GALNTL6: variants seen among roughly 807,000 people sequenced by gnomAD.
The protein encoded by GALNTL6 is polypeptide N-acetylgalactosaminyltransferase like 6, also known as polypeptide N-acetylgalactosaminyltransferase-like 6.
A neutral mutation model predicts 73.7 loss-of-function variants in GALNTL6; 46 were observed. That is an observed-to-expected ratio of 0.62 (90% CI 0.49 to 0.80). The LOEUF is 0.80. Among genes scored for constraint, GALNTL6 ranks in the 30% least tolerant of loss-of-function variants. The pLI is 0.00. For synonymous variants in GALNTL6, 259 were observed against 263.7 expected, an observed-to-expected ratio of 0.98 and a Z score of 0.17; for missense variants, 604 against 755.0, an observed-to-expected ratio of 0.80 and a Z score of 2.34.
At chr4:172,431,778 T>C (rs1384707653) in intron 5 of GALNTL6, among the ~76,000 whole-genome samples, 1 of 152,162 alleles carries the variant, frequency 6.6e-6, no homozygotes, top group Non-Finnish European at 1.5e-5. Flanking sequence ...AAGTCAGTAT[T>C]TTTACTGACT....
chr4:171,946,810 T>A (rs1738715367), intron 2 of GALNTL6, among the ~76,000 whole-genome samples: 1 of 151,470 alleles, frequency 6.6e-6, no homozygotes, highest in Non-Finnish European at 1.5e-5. Context: ...TTTGGCATGT[T>A]AGAGGGACAG....
At chr4:171,970,110 A>C (rs937507496) in intron 2 of GALNTL6, among the ~76,000 whole-genome samples, 1 of 152,184 alleles carries the variant, frequency 6.6e-6, no homozygotes, top group Non-Finnish European at 1.5e-5. Flanking sequence ...TATGGATTCA[A>C]CTTGACTTTG....
chr4:172,266,550 A>G (rs1738458981), intron 3 of GALNTL6, among the ~76,000 whole-genome samples: 1 of 152,168 alleles, frequency 6.6e-6, no homozygotes, highest in South Asian at 2.1e-4. Flanking sequence ...AAATAACTAT[A>G]AAACATTGTA....
At chr4:172,659,060 A>G (rs1731234281) in intron 5 of GALNTL6, among the ~76,000 whole-genome samples, 1 of 152,196 alleles carries the variant, frequency 6.6e-6, no homozygotes, top group African/African-American at 2.4e-5. Context: ...CGATCATTTA[A>G]TCCTATCTCA....
intron 5 of GALNTL6, among the ~76,000 whole-genome samples, chr4:172,584,022 A>T (rs191646333): frequency 6.6e-6 from 1 of 152,200 alleles, no homozygotes; most frequent in East Asian, 1.9e-4. Context: ...TTTAAAGAAC[A>T]TTTTTTGAAG....
chr4:171,875,652 C>T (rs1310478357), intron 2 of GALNTL6, among the ~76,000 whole-genome samples: 1 of 151,904 alleles, frequency 6.6e-6, no homozygotes, highest in African/African-American at 2.4e-5. Flanking sequence ...TTCTTCTCAG[C>T]ATGTAGCTAG....
chr4:172,509,508 C>T lies in GALNTL6; in HGVS notation c.553+160819C>T, dbSNP rs1338980577. Among the ~76,000 whole-genome samples, 3 of 54,714 alleles carry T rather than the reference C, an allele frequency of 5.5e-5. 1 individual carries two copies. The highest frequency in any genetic ancestry group is 2.6e-4 in the Admixed American group (1 of 3,828). The allele number at this position is 54,714 out of a possible 152,430, so 35.9% of individuals were successfully genotyped here. On this transcript the variant is annotated intron_variant, in intron 5 of 12. Coordinates refer to ENST00000506823, the MANE Select transcript of GALNTL6 (RefSeq NM_001034845.3). ...TTGCATTTGCTTGTGGGTTCTTGGCCATGAAGTCTTTGCCTAAGCCAATGT... is the reference window on the plus strand; with the variant it reads ...TTGCATTTGCTTGTGGGTTCTTGGCTATGAAGTCTTTGCCTAAGCCAATGT...
chr4:172,839,934 A>G (rs1252766745), intron 7 of GALNTL6, among the ~76,000 whole-genome samples: 1 of 152,238 alleles, frequency 6.6e-6, no homozygotes, highest in Non-Finnish European at 1.5e-5. Flanking sequence ...CAAAACAAAT[A>G]CATAATGTTG....
chr4:171,946,089 A>G (rs1264734916), intron 2 of GALNTL6, among the ~76,000 whole-genome samples: 10 of 152,190 alleles, frequency 6.6e-5, no homozygotes, highest in Non-Finnish European at 1.5e-4. Flanking sequence ...CTTAACAGAT[A>G]GAATTAGCAA....
chr4:172,294,403 C>T (rs989976881), intron 3 of GALNTL6, among the ~76,000 whole-genome samples: 10 of 152,046 alleles, frequency 6.6e-5, no homozygotes, highest in African/African-American at 9.7e-5. Context: ...TGACAGTTTG[C>T]GATTTTTACT....
intron 3 of GALNTL6, among the ~76,000 whole-genome samples, chr4:172,310,791 C>T (rs531940887): frequency 6.9e-4 from 103 of 150,122 alleles, no homozygotes; most frequent in African/African-American, 2.0e-3. Flanking sequence ...AAATATAAAA[C>T]GAGAAATTAT....
chr4:172,420,372 A>T (rs1476737548), intron 5 of GALNTL6, among the ~76,000 whole-genome samples: 1 of 152,216 alleles, frequency 6.6e-6, no homozygotes, highest in Non-Finnish European at 1.5e-5. Context: ...TAACTCCCAG[A>T]TGTTATTTGT....
chr4:171,869,200 G>A (rs1358626843), intron 2 of GALNTL6, among the ~76,000 whole-genome samples: 1 of 152,034 alleles, frequency 6.6e-6, no homozygotes, highest in Non-Finnish European at 1.5e-5. Context: ...CCTATCACAG[G>A]GCCAGGCTCT....
chr4:172,579,144 C>A (rs772506376), intron 5 of GALNTL6, among the ~76,000 whole-genome samples: 3 of 152,106 alleles, frequency 2.0e-5, no homozygotes, highest in Admixed American at 1.3e-4. Flanking sequence ...TACTATGCAG[C>A]GAAGACAGAA....
At chr4:173,001,423 A>AAAC (rs368512578) in intron 10 of GALNTL6, among the ~76,000 whole-genome samples, 1,954 of 152,314 alleles carry the variant, frequency 0.013, 50 homozygotes, top group African/African-American at 0.044. Flanking sequence ...ACTCAGAATA[A>AAAC]AACATAGGGG....
At position 172,880,115 on chromosome 4, in the gene GALNTL6, A is replaced by G. The variant is rs528588734; in HGVS notation, c.924-2675A>G. ...GTTTGGCAGTTTATTGAAAGATTAG[A>G]CATACCTACTATATGATCTAGTTAT... On this transcript the variant is annotated intron_variant, in intron 7 of 12. Coordinates refer to ENST00000506823, the MANE Select transcript of GALNTL6 (RefSeq NM_001034845.3). Among the ~76,000 whole-genome samples the G allele has an allele frequency of 2.7e-4, 41 of 152,172 alleles. 1 individual carries two copies. In the South Asian group the frequency reaches 8.1e-3, roughly 30 times the overall value.
chr4:172,954,710 A>G (rs13121679), intron 10 of GALNTL6, among the ~76,000 whole-genome samples: 92,087 of 151,946 alleles, frequency 0.61, 28,459 homozygotes, highest in African/African-American at 0.73. Flanking sequence ...TCAATTATTC[A>G]TCTCACCTCA....
chr4:172,683,868 G>A (rs576913638), intron 5 of GALNTL6, among the ~76,000 whole-genome samples: 4 of 152,236 alleles, frequency 2.6e-5, no homozygotes, highest in East Asian at 3.9e-4. Context: ...CTGGAAGCAG[G>A]GATTAGCTTT....
chr4:171,929,832 G>T (rs1354189671), intron 2 of GALNTL6, among the ~76,000 whole-genome samples: 1 of 152,166 alleles, frequency 6.6e-6, no homozygotes, highest in Non-Finnish European at 1.5e-5. Context: ...GGCCAACAGC[G>T]AATCCAGCAG....
Sources: gnomAD v4.1 joint callset for allele counts (sites outside exome capture counted in the v4.1 genomes callset) on GRCh38, gnomAD v4.1.1 for gene constraint, MANE v1.5 for transcripts, NCBI Gene and HGNC (gene_info 2026-07-23, HGNC 2026-07-21) for gene names.